UGT1A10: variants seen among roughly 807,000 people sequenced by gnomAD.
UGT1A10 encodes UDP glucuronosyltransferase family 1 member A10.
UGT1A10 carries 49 observed loss-of-function variants against 45.8 expected under a neutral mutation model. That is an observed-to-expected ratio of 1.07 (90% CI 0.85 to 1.36). The LOEUF (loss-of-function observed/expected upper bound fraction) is 1.36, where lower values mean the gene tolerates loss of function less well. Ranked by LOEUF, UGT1A10 falls within the 40% of genes most tolerant of loss-of-function variation. The pLI, the probability that UGT1A10 is intolerant of heterozygous loss-of-function variation, is 0.00. For synonymous variants in UGT1A10, 284 were observed against 249.7 expected (o/e 1.14, Z -1.29); for missense variants, 745 against 668.6 (o/e 1.11, Z -1.26).
At chr2:233,638,661 T>C (rs1008673825) in intron 1 of UGT1A10, among the ~76,000 whole-genome samples, 1 of 152,184 alleles carries the variant, frequency 6.6e-6, no homozygotes, top group Admixed American at 6.5e-5. Context: ...CATCTCATTA[T>C]ATTATTTTAT....
rs1478087363 is a variant in UGT1A10 at position 233,769,799 on chromosome 2, G to A, written c.1295+1360G>A. 4.2e-6 allele frequency: 5 copies of A among 1,197,998 alleles called. No individual in the cohort carries two copies. Among genetic ancestry groups the A allele is most frequent in the Admixed American group, 5.9e-5 (2 of 34,170 alleles). 74.2% of individuals were successfully genotyped at this position (1,197,998 alleles called of 1,614,324 possible). A position where few individuals can be genotyped will look rare whatever the true frequency, so the allele number is the denominator to read the frequency against. ...GAGCCCAGAAGTTGGAGGCTGCTAT[G>A]AGCCGTGATCATGCCACTGCACTCC... On this transcript the variant is annotated intron_variant, in intron 4 of 4. Transcript: ENST00000344644. This position sits in a 1 kb window ranked among gnomAD's most constrained non-coding sequence, Gnocchi z 4.4.
chr2:233,760,363 C>A lies in UGT1A10; in HGVS notation c.856-6671C>A, dbSNP rs1400895192. On this transcript the variant is annotated intron_variant, in intron 1 of 4. Transcript: ENST00000344644. ...GTGTGTGCTGGGCCCAGTGGTGTCC[C>A]ATGCTGGGAAGATACTGTTGATCCC... is the stretch of plus-strand genomic sequence containing the variant. 5.0e-6 allele frequency: 8 copies of A among 1,614,118 alleles called. No homozygotes were observed. In the East Asian group the frequency reaches 1.8e-4, roughly 36 times the overall value.
chr2:233,730,377 G>A (rs750998252), intron 1 of UGT1A10, among the ~76,000 whole-genome samples: 101 of 152,334 alleles, frequency 6.6e-4, no homozygotes, highest in Admixed American at 1.4e-3. Flanking sequence ...ATTTTCAGGG[G>A]AAAGATGATG....
chr2:233,637,384 C>T lies in UGT1A10; in HGVS notation c.855+7C>T, dbSNP rs755138913. On this transcript the variant is annotated splice_region_variant and intron_variant, in intron 1 of 4. Coordinates refer to ENST00000344644, the MANE Select transcript of UGT1A10 (RefSeq NM_019075.4). ...GGGAAAGCCATTGCCTATGGTAAGT[C>T]ACCTCTCCTTTAGCACATTAAGAAT... The T allele has an allele frequency of 1.2e-6, 2 of 1,610,444 alleles. No homozygotes were observed. Among genetic ancestry groups the T allele is most frequent in the Non-Finnish European group, 1.7e-6 (2 of 1,177,502 alleles).
At chr2:233,656,038 G>A (rs1337309027) in intron 1 of UGT1A10, among the ~76,000 whole-genome samples, 1 of 152,116 alleles carries the variant, frequency 6.6e-6, no homozygotes, top group Non-Finnish European at 1.5e-5. Context: ...AAATACCAGA[G>A]ACAGGCCCTT....
At chr2:233,685,017 G>A (rs1280301846) in intron 1 of UGT1A10, among the ~76,000 whole-genome samples, 1 of 152,158 alleles carries the variant, frequency 6.6e-6, no homozygotes, top group East Asian at 1.9e-4. Context: ...GCACGTATGT[G>A]TCTGTATGTG....
intron 1 of UGT1A10, among the ~76,000 whole-genome samples, chr2:233,661,317 A>T (rs2073959158): frequency 6.6e-6 from 1 of 152,088 alleles, no homozygotes; most frequent in African/African-American, 2.4e-5. Flanking sequence ...GGCTGTGCAC[A>T]CCATGGTGCT....
intron 1 of UGT1A10, chr2:233,713,166 G>A: frequency 6.2e-7 from 1 of 1,614,238 alleles, no homozygotes. Context: ...CCACCAGGTG[G>A]TGGTCCTCAC....
intron 1 of UGT1A10, chr2:233,760,314 C>T (rs2125982476): frequency 1.2e-6 from 2 of 1,613,914 alleles, no homozygotes; most frequent in Non-Finnish European, 1.7e-6. Context: ...AGGGCGGACG[C>T]CCACTTGTCC....
chr2:233,642,328 G>A (rs1423469999), intron 1 of UGT1A10, among the ~76,000 whole-genome samples: 2 of 152,066 alleles, frequency 1.3e-5, no homozygotes, highest in Non-Finnish European at 2.9e-5. Context: ...TATGCCGATT[G>A]CATTTTTCAG....
In UGT1A10 at chr2:233,755,120, A is replaced by G. The variant is rs768427236; in HGVS notation, c.856-11914A>G. 115 of 1,328,248 alleles carry G rather than the reference A, an allele frequency of 8.7e-5. 2 individuals are homozygous for G. Among genetic ancestry groups the G allele is most frequent in the Admixed American group, 1.9e-4 (10 of 52,520 alleles). 82.3% of individuals were successfully genotyped at this position (1,328,248 alleles called of 1,614,324 possible). On this transcript the variant is annotated intron_variant, in intron 1 of 4. Transcript: ENST00000344644. ...CGTCCGACAACACCTCGTAGGCCTC[A>G]GCCACCTGCTTGAATCTTCTCACCG...
intron 1 of UGT1A10, chr2:233,755,013 G>T: frequency 3.1e-6 from 4 of 1,294,530 alleles, no homozygotes; most frequent in Non-Finnish European, 4.2e-6. Flanking sequence ...CTACTCGAAG[G>T]GGTCCTTGAA....
intron 1 of UGT1A10, chr2:233,672,553 G>A: frequency 2.5e-6 from 4 of 1,613,956 alleles, no homozygotes; most frequent in Non-Finnish European, 3.4e-6. Flanking sequence ...CAAGGAGAGA[G>A]TACGGAACCA....
chr2:233,753,691 A>T (rs900061019), intron 1 of UGT1A10: 1 of 152,228 alleles, frequency 6.6e-6, no homozygotes, highest in African/African-American at 2.4e-5. Context: ...ACAATATTAC[A>T]GATGCACTTG....
intron 1 of UGT1A10, among the ~76,000 whole-genome samples, chr2:233,724,344 C>A (rs2077229957): frequency 6.9e-6 from 1 of 144,926 alleles, no homozygotes; most frequent in Non-Finnish European, 1.5e-5. Context: ...GGGCTGACCC[C>A]CCCCACCTCC....
At chr2:233,690,794 CA>C in intron 1 of UGT1A10, 3 of 1,143,930 alleles carry the variant, frequency 2.6e-6, no homozygotes, top group South Asian at 1.9e-5. Flanking sequence ...CACACACACA[CA>C]CACACCATTC....
At chr2:233,747,302 A>C (rs1182136395) in intron 1 of UGT1A10, 17 of 1,602,464 alleles carry the variant, frequency 1.1e-5, no homozygotes, top group Non-Finnish European at 1.5e-5. Flanking sequence ...GAGAGTGGGA[A>C]GGTGCTGGTG....
At chr2:233,639,985 G>A (rs775214198) in intron 1 of UGT1A10, among the ~76,000 whole-genome samples, 1 of 152,168 alleles carries the variant, frequency 6.6e-6, no homozygotes, top group African/African-American at 2.4e-5. Flanking sequence ...GGTTTTAGGG[G>A]AAAAGAATTC....
chr2:233,768,652 T>C (rs1699688984), intron 4 of UGT1A10, among the ~76,000 whole-genome samples: 1 of 146,762 alleles, frequency 6.8e-6, no homozygotes, highest in Non-Finnish European at 1.5e-5. Flanking sequence ...AGTGGTGCAA[T>C]CTTGGCTTAC....
Sources: gnomAD v4.1 joint callset for allele counts (sites outside exome capture counted in the v4.1 genomes callset) on GRCh38, gnomAD v4.1.1 for gene constraint, Gnocchi (gnomAD v3.1) non-coding constraint, MANE v1.5 for transcripts, NCBI Gene and HGNC (gene_info 2026-07-23, HGNC 2026-07-21) for gene names.